Variants in GMDS observed in about 807,000 individuals in gnomAD.
GMDS encodes the protein GDP-mannose 4,6-dehydratase, also known as GDP-mannose 4,6 dehydratase.
GMDS carries 20 observed loss-of-function variants against 49.9 expected under a neutral mutation model. The ratio of observed to expected loss-of-function variants is 0.40; its 90% CI spans 0.28 to 0.58. The LOEUF (loss-of-function observed/expected upper bound fraction) is 0.58, where lower values mean the gene tolerates loss of function less well. Ranked by LOEUF, GMDS falls within the 20% of genes least tolerant of loss-of-function variation. The pLI is 0.42. For missense variants in GMDS, 362 were observed against 481.4 expected (o/e 0.75, Z 2.32); for synonymous variants, 177 against 178.6 (o/e 0.99, Z 0.07).
intron 1 of GMDS, among the ~76,000 whole-genome samples, chr6:2,164,983 T>C (rs1397617870): frequency 6.6e-6 from 1 of 152,220 alleles, no homozygotes. Flanking sequence ...AAGTGGTTGG[T>C]TAGGAGTATC....
At chr6:1,980,363 T>C (rs1765151763) in intron 4 of GMDS, among the ~76,000 whole-genome samples, 1 of 147,320 alleles carries the variant, frequency 6.8e-6, no homozygotes. Context: ...ACCAAGCAAA[T>C]GGAAAACAGA....
Position 1,927,407 on chromosome 6 carries a change from G to A in GMDS, c.771+2696C>T, listed in dbSNP as rs796812655. On this transcript the variant is annotated intron_variant, in intron 7 of 10. Transcript: ENST00000380815. ...GGTGTATTTTTATTCAGAGGGTAGC[G>A]TGTTGCTGTGTTTTTACTCAGAGGG... Among the ~76,000 whole-genome samples, 7 of 151,594 alleles carry A rather than the reference G, an allele frequency of 4.6e-5. No homozygotes were observed. The South Asian group carries it at 6.3e-4, about 14-fold the overall frequency.
At chr6:1,855,980 G>A (rs1271732645) in intron 7 of GMDS, among the ~76,000 whole-genome samples, 1 of 152,128 alleles carries the variant, frequency 6.6e-6, no homozygotes, top group Non-Finnish European at 1.5e-5. Flanking sequence ...TACAGACAGT[G>A]TGTCTGTGTA....
At chr6:1,712,135 A>C (rs1241239127) in intron 9 of GMDS, among the ~76,000 whole-genome samples, 1 of 152,246 alleles carries the variant, frequency 6.6e-6, no homozygotes, top group African/African-American at 2.4e-5. Context: ...AAGATGCTGG[A>C]AAATTCAGTC....
At chr6:1,698,223 G>C (rs1462012285) in intron 9 of GMDS, among the ~76,000 whole-genome samples, 1 of 152,134 alleles carries the variant, frequency 6.6e-6, no homozygotes, top group South Asian at 2.1e-4. Flanking sequence ...GTATACTTTA[G>C]CTTTGTGTGT....
At chr6:2,037,825 C>T (rs886375993) in intron 4 of GMDS, among the ~76,000 whole-genome samples, 1 of 151,456 alleles carries the variant, frequency 6.6e-6, no homozygotes, top group African/African-American at 2.4e-5. Flanking sequence ...TCTAAAGGAG[C>T]CTGAAAGGAA....
At chr6:2,121,198 A>G (rs1350180275) in intron 2 of GMDS, among the ~76,000 whole-genome samples, 1 of 152,064 alleles carries the variant, frequency 6.6e-6, no homozygotes, top group East Asian at 1.9e-4. Flanking sequence ...CACTTTGTCC[A>G]CCCCTCTGGC....
chr6:2,205,636 C>T (rs116937759), intron 1 of GMDS, among the ~76,000 whole-genome samples: 3 of 152,186 alleles, frequency 2.0e-5, no homozygotes, highest in Non-Finnish European at 4.4e-5. Flanking sequence ...GCAGCCCTTG[C>T]GATATGCAGA....
intron 4 of GMDS, among the ~76,000 whole-genome samples, chr6:2,073,445 A>C (rs2127460940): frequency 6.6e-6 from 1 of 152,350 alleles, no homozygotes; most frequent in South Asian, 2.1e-4. Context: ...GTAATGATCA[A>C]GTTAGGGTGT....
At chr6:1,880,733 C>A (rs1374314416) in intron 7 of GMDS, among the ~76,000 whole-genome samples, 1 of 152,170 alleles carries the variant, frequency 6.6e-6, no homozygotes, top group Non-Finnish European at 1.5e-5. Context: ...TTCTAACTAA[C>A]CTCCATTAAT....
chr6:1,825,092 T>A (rs1465325676), intron 7 of GMDS, among the ~76,000 whole-genome samples: 1 of 152,192 alleles, frequency 6.6e-6, no homozygotes, highest in Non-Finnish European at 1.5e-5. Context: ...AGATGTTAGA[T>A]CCTTCACTTG....
intron 1 of GMDS, among the ~76,000 whole-genome samples, chr6:2,162,274 T>G (rs1777439804): frequency 6.6e-6 from 1 of 152,174 alleles, no homozygotes. Context: ...CTGGGAATTG[T>G]GAGTAAGCCA....
chr6:1,716,145 T>C (rs142413706), intron 9 of GMDS, among the ~76,000 whole-genome samples: 2,331 of 152,340 alleles, frequency 0.015, 57 homozygotes, highest in African/African-American at 0.053. Flanking sequence ...TCGAAGAATA[T>C]GTAAAAAAAG....
intron 7 of GMDS, among the ~76,000 whole-genome samples, chr6:1,872,548 G>A (rs900909731): frequency 1.3e-5 from 2 of 152,204 alleles, no homozygotes; most frequent in Non-Finnish European, 2.9e-5. Flanking sequence ...CCAGCTACTT[G>A]TGACAACGTC....
Position 1,746,215 on chromosome 6 carries a change from TC to T in GMDS, c.772-3630del, listed in dbSNP as rs554252051. On this transcript the variant is annotated intron_variant, in intron 7 of 10. Transcript: ENST00000380815. ...GTGTTGAGGTTACATGTTTTAGAGGTCAGTCTTCTCTCTTTGTCTCTCAAGG... is the reference window on the plus strand; with the variant it reads ...GTGTTGAGGTTACATGTTTTAGAGGTAGTCTTCTCTCTTTGTCTCTCAAGG... Among the ~76,000 whole-genome samples the T allele has an allele frequency of 2.9e-3, 316 of 109,284 alleles. 1 individual carries two copies. Among genetic ancestry groups the T allele is most frequent in the African/African-American group, 0.012 (301 of 24,180 alleles). 71.7% of individuals were successfully genotyped at this position (109,284 alleles called of 152,430 possible).
chr6:1,660,706 C>T (rs1179940503), intron 9 of GMDS, among the ~76,000 whole-genome samples: 1 of 147,362 alleles, frequency 6.8e-6, no homozygotes, highest in African/African-American at 2.5e-5. Flanking sequence ...GGAGTGGATT[C>T]TCTCTGTTCT....
chr6:2,072,062 T>TGTGTG (rs1282592744), intron 4 of GMDS, among the ~76,000 whole-genome samples: 1 of 152,162 alleles, frequency 6.6e-6, no homozygotes, highest in African/African-American at 2.4e-5. Flanking sequence ...GGCAGGGGCG[T>TGTGTG]GTGTGCATGT....
chr6:2,105,202 A>C (rs1346130491), intron 4 of GMDS, among the ~76,000 whole-genome samples: 2 of 150,758 alleles, frequency 1.3e-5, no homozygotes, highest in African/African-American at 4.9e-5. Context: ...AAAAAAAAAA[A>C]AAGAAATGAT....
chr6:1,700,166 C>T (rs1680457553), intron 9 of GMDS, among the ~76,000 whole-genome samples: 1 of 152,166 alleles, frequency 6.6e-6, no homozygotes, highest in Admixed American at 6.5e-5. Flanking sequence ...GGGAAAGGAA[C>T]ATTTCTTTAA....
Sources: allele counts gnomAD v4.1 joint callset (sites outside exome capture counted in the v4.1 genomes callset), GRCh38; gene constraint gnomAD v4.1.1; transcripts MANE v1.5; gene names NCBI Gene and HGNC (gene_info 2026-07-23, HGNC 2026-07-21).